Variants in ZFR2 observed in about 807,000 individuals in gnomAD.
ZFR2 encodes the protein zinc finger RNA binding protein 2, also known as zinc finger RNA-binding protein 2.
In ZFR2, 104 loss-of-function variants were observed where a neutral mutation model predicts 105.7. That is an observed-to-expected ratio of 0.98 (90% CI 0.84 to 1.16). The LOEUF (loss-of-function observed/expected upper bound fraction) is 1.16. Among genes scored for constraint, ZFR2 ranks in the 50% most tolerant of loss-of-function variants. ZFR2 has a pLI of 0.00. For synonymous variants in ZFR2, 634 were observed against 597.7 expected, an observed-to-expected ratio of 1.06 and a Z score of -0.89; for missense variants, 1,425 against 1,355.5, an observed-to-expected ratio of 1.05 and a Z score of -0.80.
At chr19:3,867,278 G>A (rs2038441934) in intron 1 of ZFR2, among the ~76,000 whole-genome samples, 1 of 140,256 alleles carries the variant, frequency 7.1e-6, no homozygotes, top group Admixed American at 7.4e-5. Context: ...CTAACACAAG[G>A]GTGACACGCG....
chr19:3,831,997 G>T, intron 3 of ZFR2, 119 bp from the exon 4 acceptor site: 1 of 855,870 alleles, frequency 1.2e-6, no homozygotes. Context: ...AGGACCAGAG[G>T]CCAGAGCCTT....
rs185618148 is a variant in ZFR2 at position 3,858,503 on chromosome 19, A to G, written c.53+10462T>C. On this transcript the variant is annotated intron_variant, in intron 1 of 18. Coordinates refer to ENST00000262961, the MANE Select transcript of ZFR2 (RefSeq NM_015174.2). The surrounding 1 kb of genome is among the most constrained non-coding windows in gnomAD (Gnocchi z 4.3). The stretch of plus-strand genomic sequence containing the variant: ...GATTTTCCTGGAATCACAGGCTGAG[A>G]AATGTCATCATTCTTTCTAAAAACA... Among the ~76,000 whole-genome samples, 40 of 152,250 alleles carry G rather than the reference A, an allele frequency of 2.6e-4. No homozygotes were observed. Among genetic ancestry groups the G allele is most frequent in the Admixed American group, 2.4e-3 (36 of 15,292 alleles).
At chr19:3,827,071 G>A (rs972533237) in intron 6 of ZFR2, among the ~76,000 whole-genome samples, 3 of 151,942 alleles carry the variant, frequency 2.0e-5, no homozygotes, top group Admixed American at 6.6e-5. Flanking sequence ...GTGAAACCCC[G>A]TCTCTACTGA....
intron 14 of ZFR2, among the ~76,000 whole-genome samples, chr19:3,812,247 T>C (rs961573381): frequency 6.6e-6 from 1 of 152,022 alleles, no homozygotes; most frequent in South Asian, 2.1e-4. Flanking sequence ...CCTGGCCAAA[T>C]TTTTTTGTTT....
At chr19:3,809,083 C>T in intron 16 of ZFR2, 100 bp from the exon 17 acceptor site, 1 of 886,494 alleles carries the variant, frequency 1.1e-6, no homozygotes, top group East Asian at 3.2e-5. Flanking sequence ...CCCCCCTCAG[C>T]TCTTTCTCTA....
intron 5 of ZFR2, among the ~76,000 whole-genome samples, chr19:3,831,096 C>G (rs1439072403): frequency 6.6e-6 from 1 of 152,170 alleles, no homozygotes; most frequent in Non-Finnish European, 1.5e-5. Context: ...TATACACATG[C>G]ATAAACACAC....
chr19:3,830,601 G>A (rs1599235536), intron 5 of ZFR2, among the ~76,000 whole-genome samples: 1 of 152,074 alleles, frequency 6.6e-6, no homozygotes, highest in African/African-American at 2.4e-5. Flanking sequence ...TCCCCAGCTG[G>A]GTCAGGGGTC....
chr19:3,856,156 TC>T (rs762357943), intron 1 of ZFR2, among the ~76,000 whole-genome samples: 1 of 152,102 alleles, frequency 6.6e-6, no homozygotes, highest in Non-Finnish European at 1.5e-5. Context: ...CAGCCTGGCT[TC>T]CCATTTTGGG....
Position 3,831,648 on chromosome 19 carries a change from C to G in ZFR2, c.598+12G>C. 6.5e-7 allele frequency: 1 copy of G among 1,530,378 alleles called. No homozygotes were observed. The highest frequency in any genetic ancestry group is 8.8e-7 in the Non-Finnish European group (1 of 1,133,736). The allele number at this position is 1,530,378 out of a possible 1,614,324, so 94.8% of individuals were successfully genotyped here. A position where few individuals can be genotyped will look rare whatever the true frequency, so the allele number is the denominator to read the frequency against. ...ACGGGCAGACCACCTGGGCAAGGAA[C>G]GCTGGTCTTACCCGTGTAGGCGGTG... On this transcript the variant is annotated intron_variant, in intron 4 of 18. Transcript: ENST00000262961.
At chr19:3,859,429 C>T (rs1338490090) in intron 1 of ZFR2, among the ~76,000 whole-genome samples, 3 of 152,220 alleles carry the variant, frequency 2.0e-5, no homozygotes, top group Non-Finnish European at 4.4e-5. Context: ...TACCTTGTGA[C>T]CGTGTGAGTC....
intron 1 of ZFR2, chr19:3,855,422 T>C (rs2038286036): frequency 8.1e-7 from 1 of 1,231,538 alleles, no homozygotes; most frequent in African/African-American, 1.6e-5. Context: ...GTGAAAGCAG[T>C]CCCGGGCGAT....
At chr19:3,844,805 G>A (rs1226667992) in intron 1 of ZFR2, among the ~76,000 whole-genome samples, 1 of 152,192 alleles carries the variant, frequency 6.6e-6, no homozygotes, top group Non-Finnish European at 1.5e-5. Context: ...GTACTCTGAG[G>A]CCTCCACGTG....
chr19:3,833,659 C>G lies in ZFR2; in HGVS notation c.379+5G>C, dbSNP rs893678092. On this transcript the variant is annotated splice_donor_5th_base_variant and intron_variant, in intron 3 of 18. Transcript: ENST00000262961. ...TTCCCAGCCCCGACCCTGCAGATGG[C>G]TCACCTGGCTGGCCGGAGTCTGCGG... 5.2e-6 allele frequency: 8 copies of G among 1,552,156 alleles called. No individual in the cohort carries two copies. In the African/African-American group the frequency reaches 1.1e-4, roughly 21 times the overall value.
intron 1 of ZFR2, among the ~76,000 whole-genome samples, chr19:3,840,902 A>G (rs1258950188): frequency 6.6e-6 from 1 of 152,080 alleles, no homozygotes; most frequent in Non-Finnish European, 1.5e-5. Context: ...GTTAATTTAG[A>G]TTTTGATGGC....
chr19:3,833,902 C>A, intron 2 of ZFR2, 124 bp from the exon 3 acceptor site: 3 of 755,076 alleles, frequency 4.0e-6, no homozygotes, highest in Non-Finnish European at 6.4e-6. Context: ...GGCTCCTAAG[C>A]GTCTGCCCAG....
At chr19:3,828,419 G>A (rs144773039) in intron 5 of ZFR2, among the ~76,000 whole-genome samples, 1 of 152,304 alleles carries the variant, frequency 6.6e-6, no homozygotes, top group Non-Finnish European at 1.5e-5. Flanking sequence ...TGGAAAGCAT[G>A]CTCCATGCAT....
At chr19:3,850,708 C>A (rs1295601819) in intron 1 of ZFR2, among the ~76,000 whole-genome samples, 2 of 137,058 alleles carry the variant, frequency 1.5e-5, no homozygotes, top group Non-Finnish European at 3.1e-5. Context: ...ATACTGGGAT[C>A]CCATCTCTAC....
chr19:3,820,343 TG>T, intron 10 of ZFR2, 53 bp from the exon 11 acceptor site: 2 of 1,483,568 alleles, frequency 1.3e-6, no homozygotes, highest in Non-Finnish European at 9.0e-7. Flanking sequence ...GGCCCTAAGC[TG>T]GGGGCAAGTC....
chr19:3,820,136 G>A, intron 11 of ZFR2, 46 bp downstream of exon 11: 4 of 1,530,378 alleles, frequency 2.6e-6, no homozygotes, highest in Non-Finnish European at 2.7e-6. Flanking sequence ...CTGCTCCGGG[G>A]AGTGTGAGGT....
Sources: allele counts gnomAD v4.1 joint callset (sites outside exome capture counted in the v4.1 genomes callset), GRCh38; gene constraint gnomAD v4.1.1; non-coding constraint Gnocchi (gnomAD v3.1); transcripts MANE v1.5; gene names NCBI Gene and HGNC (gene_info 2026-07-23, HGNC 2026-07-21).